USP7: variants seen among roughly 807,000 people sequenced by gnomAD.
USP7 encodes ubiquitin C-terminal hydrolase 7.
In USP7, 9 loss-of-function variants were observed where a neutral mutation model predicts 162.9. That is an observed-to-expected ratio of 0.06 (90% CI 0.03 to 0.10). The LOEUF is 0.10. USP7 is among the 10% of genes least tolerant of loss of function. The pLI is 1.00. For missense variants in USP7, 715 were observed against 1,373.7 expected (o/e 0.52, Z 7.58); for synonymous variants, 562 against 475.9 (o/e 1.18, Z -2.35).
rs1483471240 is a variant in USP7, at chr16:8,963,335, C to G, written c.-50G>C. ...TGCGGCCGGGGGCCGGGGCTGCGAG[C>G]CCGGCGGGCGGGCGGCGGCGAGCCG... is the stretch of plus-strand genomic sequence containing the variant. On this transcript the variant is annotated 5_prime_UTR_variant, in exon 1 of 31. Coordinates refer to ENST00000344836, the MANE Select transcript of USP7 (RefSeq NM_003470.3). The G allele has an allele frequency of 1.7e-5, 14 of 803,632 alleles. No homozygotes were observed. Among genetic ancestry groups the G allele is most frequent in the Non-Finnish European group, 2.1e-5 (14 of 662,148 alleles). 49.8% of individuals were successfully genotyped at this position (803,632 alleles called of 1,614,324 possible).
chr16:8,931,347 CCCAG>C (rs1898326006), intron 1 of USP7, among the ~76,000 whole-genome samples: 1 of 152,148 alleles, frequency 6.6e-6, no homozygotes, highest in Non-Finnish European at 1.5e-5. Context: ...TGCCACCACG[CCCAG>C]CTAATTTTGT....
rs1318342224 is a variant in USP7 at position 8,892,422 on chromosome 16, A to C, written c.*1576T>G. On this transcript the variant is annotated 3_prime_UTR_variant, in exon 31 of 31. Transcript: ENST00000344836. ...GTACACACTGGCCCAAAGACCAGGAAACCGTGCCACGGAGCTGGAAGGCAA... is the reference window on the plus strand; with the variant it reads ...GTACACACTGGCCCAAAGACCAGGACACCGTGCCACGGAGCTGGAAGGCAA... 6.6e-6 allele frequency: 1 copy of C among 152,264 alleles called. No individual in the cohort carries two copies. Among genetic ancestry groups the C allele is most frequent in the Non-Finnish European group, 1.5e-5 (1 of 68,070 alleles). 9.4% of individuals were successfully genotyped at this position (152,264 alleles called of 1,614,324 possible). A position where few individuals can be genotyped will look rare whatever the true frequency, so the allele number is the denominator to read the frequency against.
At chr16:8,894,913 C>G in intron 28 of USP7, 58 bp from the exon 29 acceptor site, 1 of 1,613,798 alleles carries the variant, frequency 6.2e-7, no homozygotes, top group Non-Finnish European at 8.5e-7. Flanking sequence ...CAGGCCACGT[C>G]ACGTGGCAGC....
Position 8,963,264 on chromosome 16 carries a change from G to T in USP7, c.22C>A (p.Gln8Lys). The change falls in exon 1 of 31, where the codon CAG (glutamine) becomes AAG (lysine). Residue 8 changes from glutamine (Q) to lysine (K), a missense_variant. Coordinates refer to ENST00000344836, the MANE Select transcript of USP7 (RefSeq NM_003470.3). Reference protein sequence around the residue: MNHQQQQQQQKAGEQQLS... With the variant: MNHQQQQKQQKAGEQQLS... ...TGCTGCTCGCCCGCTTTCTGCTGCT[G>T]CTGCTGCTGCTGGTGGTTCATGTCG... 1 of 1,361,520 alleles carries T rather than the reference G, an allele frequency of 7.3e-7. No individual in the cohort carries two copies. The highest frequency in any genetic ancestry group is 9.6e-7 in the Non-Finnish European group (1 of 1,044,366). The allele number at this position is 1,361,520 out of a possible 1,614,324, so 84.3% of individuals were successfully genotyped here.
chr16:8,911,749 G>C (rs190130839), intron 10 of USP7, among the ~76,000 whole-genome samples: 2 of 152,366 alleles, frequency 1.3e-5, no homozygotes, highest in Admixed American at 6.5e-5. Flanking sequence ...ATGCTGCCCA[G>C]AAAGCGAGAT....
chr16:8,941,083 G>C (rs1172679180), intron 1 of USP7, among the ~76,000 whole-genome samples: 1 of 152,184 alleles, frequency 6.6e-6, no homozygotes, highest in East Asian at 1.9e-4. Context: ...AGGCCACACT[G>C]CCCATGTTTG....
At position 8,953,190 on chromosome 16, in the gene USP7, G is replaced by A. The variant is rs117253745; in HGVS notation, c.79+10017C>T. On this transcript the variant is annotated intron_variant, in intron 1 of 30. Coordinates refer to ENST00000344836, the MANE Select transcript of USP7 (RefSeq NM_003470.3). ...CCTTCTCTGTGAGGCCTCACCTGAGGCTCCCCCTCCCCGCGGTAAGCCAGT... is the reference window on the plus strand; with the variant it reads ...CCTTCTCTGTGAGGCCTCACCTGAGACTCCCCCTCCCCGCGGTAAGCCAGT... Among the ~76,000 whole-genome samples, 854 of 152,118 alleles carry A rather than the reference G, an allele frequency of 5.6e-3. 18 individuals are homozygous for A. In the East Asian group the frequency reaches 0.07, roughly 12 times the overall value.
chr16:8,907,758 G>A (rs1337016913), intron 12 of USP7, among the ~76,000 whole-genome samples: 2 of 152,168 alleles, frequency 1.3e-5, no homozygotes, highest in Non-Finnish European at 2.9e-5. Context: ...AGGCTGCAGT[G>A]AGCCATGATC....
intron 1 of USP7, among the ~76,000 whole-genome samples, chr16:8,938,847 T>G (rs937090640): frequency 6.6e-6 from 1 of 152,142 alleles, no homozygotes; most frequent in Non-Finnish European, 1.5e-5. Flanking sequence ...ATAAGCCACG[T>G]AGAGATAATT....
chr16:8,913,301 A>T (rs2061977352), intron 10 of USP7, among the ~76,000 whole-genome samples: 2 of 152,222 alleles, frequency 1.3e-5, no homozygotes, highest in Non-Finnish European at 2.9e-5. Flanking sequence ...GGTTGCAGTG[A>T]GCCGAGATCG....
intron 1 of USP7, among the ~76,000 whole-genome samples, chr16:8,950,424 TTC>T (rs1199095883): frequency 6.6e-6 from 1 of 152,232 alleles, no homozygotes; most frequent in Non-Finnish European, 1.5e-5. Flanking sequence ...AAATAACAGC[TTC>T]TGATTTCCAA....
chr16:8,922,769 T>C (rs1332473000), intron 3 of USP7, among the ~76,000 whole-genome samples: 3 of 152,230 alleles, frequency 2.0e-5, no homozygotes, highest in Non-Finnish European at 4.4e-5. Flanking sequence ...ATAATATACA[T>C]GAATGTTTAA....
rs1460528084 is a variant in USP7 at position 8,896,505 on chromosome 16, C to T, written c.2819+494G>A. Among the ~76,000 whole-genome samples, 7 of 152,146 alleles carry T rather than the reference C, an allele frequency of 4.6e-5. No individual in the cohort carries two copies. In the South Asian group the frequency reaches 1.5e-3, roughly 32 times the overall value. Reference sequence around the variant, plus strand: ...AGGGCAAAGTAGTGAGAATCATGCCCATCTCTCTGAAATAAACAATCAATT... The same window carrying T: ...AGGGCAAAGTAGTGAGAATCATGCCTATCTCTCTGAAATAAACAATCAATT... On this transcript the variant is annotated intron_variant, in intron 26 of 30. Transcript: ENST00000344836.
At chr16:8,928,481 C>T (rs528614144) in intron 2 of USP7, among the ~76,000 whole-genome samples, 1 of 152,204 alleles carries the variant, frequency 6.6e-6, no homozygotes, top group African/African-American at 2.4e-5. Context: ...CAGCACATAT[C>T]CAACTTCCTA....
chr16:8,929,669 T>G (rs751732496), intron 2 of USP7: 2 of 435,408 alleles, frequency 4.6e-6, no homozygotes, highest in Non-Finnish European at 9.3e-6. Flanking sequence ...CTCACAAGTG[T>G]GACTGTGCAA....
chr16:8,921,355 T>TA, intron 3 of USP7, 60 bp from the exon 4 acceptor site: 1 of 1,572,620 alleles, frequency 6.4e-7, no homozygotes, highest in South Asian at 1.1e-5. Context: ...TATACATTTT[T>TA]AAAGACAGTA....
At chr16:8,930,520 A>C (rs893915295) in intron 1 of USP7, 123 bp from the exon 2 acceptor site, 1 of 660,440 alleles carries the variant, frequency 1.5e-6, no homozygotes, top group African/African-American at 1.8e-5. Context: ...TACCACAATA[A>C]AGATTCATTC....
intron 2 of USP7, among the ~76,000 whole-genome samples, chr16:8,924,503 C>A (rs1897883954): frequency 6.6e-6 from 1 of 152,248 alleles, no homozygotes; most frequent in Non-Finnish European, 1.5e-5. Context: ...GAATCAGGTG[C>A]TATTTTGACA....
At chr16:8,926,207 G>A (rs998070680) in intron 2 of USP7, among the ~76,000 whole-genome samples, 1 of 151,930 alleles carries the variant, frequency 6.6e-6, no homozygotes, top group African/African-American at 2.4e-5. Context: ...GCCGGGCGCG[G>A]TGGTTCGCGC....
Sources: gnomAD v4.1 joint callset for allele counts (sites outside exome capture counted in the v4.1 genomes callset) on GRCh38, gnomAD v4.1.1 for gene constraint, MANE v1.5 for transcripts, NCBI Gene and HGNC (gene_info 2026-07-23, HGNC 2026-07-21) for gene names.